Variants in STARD13 observed in about 807,000 individuals in gnomAD.
The protein encoded by STARD13 is StAR related lipid transfer domain containing 13, also known as stAR-related lipid transfer protein 13.
In STARD13, 62 loss-of-function variants were observed where a neutral mutation model predicts 106.4. That is an observed-to-expected ratio of 0.58 (90% CI 0.48 to 0.72). The LOEUF (loss-of-function observed/expected upper bound fraction) is 0.72, where lower values mean the gene tolerates loss of function less well. Among genes scored for constraint, STARD13 ranks in the 30% least tolerant of loss-of-function variants. The probability of loss-of-function intolerance (pLI) is 0.00; values close to 1 mark genes in which losing one functional copy is unlikely to be tolerated. For missense variants in STARD13, 1,387 were observed against 1,424.0 expected, an observed-to-expected ratio of 0.97 and a Z score of 0.42; for synonymous variants, 565 against 553.0, an observed-to-expected ratio of 1.02 and a Z score of -0.31.
At chr13:33,417,488 A>T in the STARD13 span, among the ~76,000 whole-genome samples, 4 of 152,258 alleles carry the variant, frequency 2.6e-5, no homozygotes, top group Non-Finnish European at 5.9e-5. Context: ...TAGCGGCATT[A>T]TTCACAGTAG....
At chr13:33,528,167 TATTA>T in the STARD13 span, among the ~76,000 whole-genome samples, 45 of 131,212 alleles carry the variant, frequency 3.4e-4, 1 homozygote, top group East Asian at 7.7e-3. Flanking sequence ...GCTAAGCTAA[TATTA>T]TATATATATA....
the STARD13 span, among the ~76,000 whole-genome samples, chr13:33,579,601 A>G: frequency 6.6e-6 from 1 of 151,236 alleles, no homozygotes; most frequent in Non-Finnish European, 1.5e-5. Context: ...TATGTAACCA[A>G]AAACCACTTG....
the STARD13 span, among the ~76,000 whole-genome samples, chr13:33,407,378 G>C: frequency 6.6e-6 from 1 of 152,204 alleles, no homozygotes; most frequent in Non-Finnish European, 1.5e-5. Flanking sequence ...TGTAGTCAGA[G>C]AGGTAAAGCG....
At chr13:33,668,313 C>G in the STARD13 span, among the ~76,000 whole-genome samples, 30 of 152,090 alleles carry the variant, frequency 2.0e-4, no homozygotes, top group Non-Finnish European at 3.7e-4. Context: ...CTGCTAAAAC[C>G]AAGTCCTAGG....
chr13:33,640,041 C>T, the STARD13 span, among the ~76,000 whole-genome samples: 5 of 152,238 alleles, frequency 3.3e-5, no homozygotes, highest in Admixed American at 1.3e-4. Context: ...ACATTGCTGG[C>T]TTCCTAAAGC....
chr13:33,264,557 G>T (rs1172068738), intron 1 of STARD13, among the ~76,000 whole-genome samples: 1 of 152,210 alleles, frequency 6.6e-6, no homozygotes, highest in African/African-American at 2.4e-5. Flanking sequence ...GGTTGCAGAG[G>T]TTATGACCTC....
At position 33,104,159 on chromosome 13, in the gene STARD13, C is replaced by T. The variant is rs1159045896; in HGVS notation, c.*1434G>A. The T allele has an allele frequency of 4.6e-5, 7 of 152,212 alleles. No individual in the cohort carries two copies. Among genetic ancestry groups the T allele is most frequent in the African/African-American group, 1.7e-4 (7 of 41,546 alleles). The allele number at this position is 152,212 out of a possible 1,614,324, so 9.4% of individuals were successfully genotyped here. ...CTTATCAATCTCTATTATGGATGAC[C>T]AAAGAAAATCTCTCTCCCTGAAATC... On this transcript the variant is annotated 3_prime_UTR_variant, in exon 14 of 14. Coordinates refer to ENST00000336934, the MANE Select transcript of STARD13 (RefSeq NM_178006.4).
chr13:33,191,878 G>A (rs1886277496), intron 1 of STARD13, among the ~76,000 whole-genome samples: 1 of 152,216 alleles, frequency 6.6e-6, no homozygotes, highest in Non-Finnish European at 1.5e-5. Context: ...GATATTGGGA[G>A]ATAAATAAAA....
At chr13:33,509,711 A>G in the STARD13 span, among the ~76,000 whole-genome samples, 1 of 152,202 alleles carries the variant, frequency 6.6e-6, no homozygotes. Flanking sequence ...AGAAATTAAC[A>G]GAGCAACAGC....
At chr13:33,222,421 G>T (rs992063702) in intron 1 of STARD13, among the ~76,000 whole-genome samples, 4 of 152,162 alleles carry the variant, frequency 2.6e-5, no homozygotes, top group Non-Finnish European at 4.4e-5. Flanking sequence ...CTACTGCACT[G>T]TACACTTAAA....
the STARD13 span, among the ~76,000 whole-genome samples, chr13:33,580,230 T>C: frequency 6.6e-6 from 1 of 151,982 alleles, no homozygotes; most frequent in Non-Finnish European, 1.5e-5. Flanking sequence ...TCAGTGATTA[T>C]CAATCCACAA....
the STARD13 span, among the ~76,000 whole-genome samples, chr13:33,392,076 T>G: frequency 4.6e-5 from 7 of 152,284 alleles, 1 homozygote; most frequent in Admixed American, 4.6e-4. Flanking sequence ...GAAATTCAGT[T>G]GCTTAAGATT....
chr13:33,195,405 C>A (rs1176312692), intron 1 of STARD13, among the ~76,000 whole-genome samples: 1 of 152,212 alleles, frequency 6.6e-6, no homozygotes, highest in South Asian at 2.1e-4. Flanking sequence ...CATCAAAGTC[C>A]CCGGGGACCA....
At chr13:33,618,539 A>G in the STARD13 span, among the ~76,000 whole-genome samples, 3 of 149,446 alleles carry the variant, frequency 2.0e-5, no homozygotes, top group Non-Finnish European at 4.6e-5. Context: ...TATATCTTAC[A>G]TCGATGGCTT....
intron 1 of STARD13, among the ~76,000 whole-genome samples, chr13:33,342,474 T>A (rs1456480236): frequency 6.6e-6 from 1 of 152,214 alleles, no homozygotes; most frequent in African/African-American, 2.4e-5. Context: ...CTTTTTTACT[T>A]TGCAATATAA....
intron 3 of STARD13, among the ~76,000 whole-genome samples, chr13:33,154,242 C>A (rs992128907): frequency 6.6e-6 from 1 of 152,144 alleles, no homozygotes; most frequent in Admixed American, 6.5e-5. Context: ...GTCACCGTGC[C>A]ACTACGCAGC....
chr13:33,264,142 C>T (rs945275701), intron 1 of STARD13, among the ~76,000 whole-genome samples: 1 of 152,182 alleles, frequency 6.6e-6, no homozygotes, highest in Admixed American at 6.5e-5. Flanking sequence ...TGCAAGTGCC[C>T]AAGGCTTCGG....
the STARD13 span, among the ~76,000 whole-genome samples, chr13:33,557,171 T>TC: frequency 6.6e-6 from 1 of 151,980 alleles, no homozygotes; most frequent in Non-Finnish European, 1.5e-5. Context: ...GAATATTGTT[T>TC]CCCCCCTCCA....
intron 1 of STARD13, among the ~76,000 whole-genome samples, chr13:33,202,485 T>A (rs1396353924): frequency 2.0e-5 from 3 of 152,138 alleles, no homozygotes; most frequent in Non-Finnish European, 4.4e-5. Context: ...CAACCAGACA[T>A]AAGAAACTAC....
Sources: allele counts gnomAD v4.1 joint callset (sites outside exome capture counted in the v4.1 genomes callset), GRCh38; gene constraint gnomAD v4.1.1; transcripts MANE v1.5; gene names NCBI Gene and HGNC (gene_info 2026-07-23, HGNC 2026-07-21).